Variants in SLC12A1 observed in about 807,000 individuals in gnomAD.
The protein encoded by SLC12A1 is solute carrier family 12 member 1, also known as Na-K-2Cl cotransporter.
A neutral mutation model predicts 130.4 loss-of-function variants in SLC12A1; 89 were observed. The observed-to-expected ratio is 0.68, with a 90% CI of 0.58 to 0.81. SLC12A1 has a LOEUF of 0.81. Ranked by LOEUF, SLC12A1 falls within the 40% of genes least tolerant of loss-of-function variation. SLC12A1 has a pLI of 0.00. For synonymous variants in SLC12A1, 499 were observed against 460.0 expected (o/e 1.08, Z -1.09); for missense variants, 1,310 against 1,336.4 (o/e 0.98, Z 0.31).
intron 19 of SLC12A1, among the ~76,000 whole-genome samples, chr15:48,270,461 T>C (rs1217787868): frequency 2.0e-5 from 3 of 151,546 alleles, no homozygotes; most frequent in Admixed American, 6.6e-5. Flanking sequence ...ACATTAAAAA[T>C]TAAGTAGCAT....
chr15:48,259,066 C>T (rs545250692), intron 16 of SLC12A1, 134 bp from the exon 17 acceptor site: 51 of 612,974 alleles, frequency 8.3e-5, no homozygotes, highest in Admixed American at 8.0e-4. Flanking sequence ...AATACTGGTG[C>T]GAAACCCAAA....
At chr15:48,232,291 A>C (rs966894023) in intron 7 of SLC12A1, among the ~76,000 whole-genome samples, 2 of 152,222 alleles carry the variant, frequency 1.3e-5, no homozygotes, top group African/African-American at 4.8e-5. Flanking sequence ...TGGGAATCAC[A>C]GGAATTGTAT....
At position 48,220,785 on chromosome 15, in the gene SLC12A1, T is replaced by C. The variant is rs2041202595; in HGVS notation, c.552+20T>C. The C allele has an allele frequency of 6.2e-7, 1 of 1,613,810 alleles. No homozygotes were observed. The highest frequency in any genetic ancestry group is 1.3e-5 in the African/African-American group (1 of 74,928). Reference sequence around the variant, plus strand: ...GTGCTGGTGAGAAAGCTCTTCTGTTTACAAATGAAAACTATCCATTCAATG... The same window carrying C: ...GTGCTGGTGAGAAAGCTCTTCTGTTCACAAATGAAAACTATCCATTCAATG... On this transcript the variant is annotated intron_variant, in intron 3 of 26. Coordinates refer to ENST00000380993, the MANE Select transcript of SLC12A1 (RefSeq NM_000338.3).
chr15:48,216,604 A>G (rs1156272922), intron 2 of SLC12A1, among the ~76,000 whole-genome samples: 2 of 152,250 alleles, frequency 1.3e-5, no homozygotes, highest in East Asian at 3.8e-4. Flanking sequence ...GCCCTCTCCC[A>G]AAGTGAGTAA....
chr15:48,269,301 G>A (rs2041866980), intron 18 of SLC12A1, among the ~76,000 whole-genome samples: 3 of 152,116 alleles, frequency 2.0e-5, no homozygotes, highest in Admixed American at 6.6e-5. Context: ...TATAACAGGT[G>A]GAATTGAGCT....
chr15:48,303,995 C>T lies in SLC12A1; in HGVS notation c.*1110C>T, dbSNP rs2042260929. 6.6e-6 allele frequency: 1 copy of T among 152,066 alleles called. No homozygotes were observed. Among genetic ancestry groups the T allele is most frequent in the Non-Finnish European group, 1.5e-5 (1 of 68,030 alleles). The allele number at this position is 152,066 out of a possible 1,614,324, so 9.4% of individuals were successfully genotyped here. A position where few individuals can be genotyped will look rare whatever the true frequency, so the allele number is the denominator to read the frequency against. ...TTTTCTGATGAATGGCTTGATTTTT[C>T]TCCTTGACATGTTTTGACTGTTCAT... is the stretch of plus-strand genomic sequence containing the variant. On this transcript the variant is annotated 3_prime_UTR_variant, in exon 27 of 27. Coordinates refer to ENST00000380993, the MANE Select transcript of SLC12A1 (RefSeq NM_000338.3).
At chr15:48,218,561 A>AAAC (rs1479662529) in intron 2 of SLC12A1, among the ~76,000 whole-genome samples, 1 of 152,178 alleles carries the variant, frequency 6.6e-6, no homozygotes, top group African/African-American at 2.4e-5. Flanking sequence ...TCCTAAAATG[A>AAAC]AACTTTGATA....
chr15:48,290,947 T>C (rs1375968458), intron 23 of SLC12A1, among the ~76,000 whole-genome samples: 5 of 152,112 alleles, frequency 3.3e-5, no homozygotes, highest in Non-Finnish European at 7.4e-5. Context: ...ATTTTCCAAT[T>C]TCAAAAATTG....
At chr15:48,275,167 A>C (rs1166946227) in intron 20 of SLC12A1, among the ~76,000 whole-genome samples, 1 of 152,220 alleles carries the variant, frequency 6.6e-6, no homozygotes, top group Non-Finnish European at 1.5e-5. Context: ...AGAATTTGGT[A>C]TATTTGCTTA....
At chr15:48,249,870 C>A (rs2041627454) in intron 14 of SLC12A1, among the ~76,000 whole-genome samples, 194 bp downstream of exon 14, 6 of 152,136 alleles carry the variant, frequency 3.9e-5, no homozygotes, top group Admixed American at 3.9e-4. Context: ...TGAGCAATGG[C>A]CTTTTTGACC....
chr15:48,221,889 A>C (rs552387140), intron 4 of SLC12A1, among the ~76,000 whole-genome samples: 1 of 152,308 alleles, frequency 6.6e-6, no homozygotes, highest in South Asian at 2.1e-4. Flanking sequence ...CTCAATTCAC[A>C]TTTTAAAAGG....
chr15:48,273,352 T>C (rs1337672494), intron 19 of SLC12A1, among the ~76,000 whole-genome samples: 2 of 152,170 alleles, frequency 1.3e-5, no homozygotes, highest in Non-Finnish European at 2.9e-5. Flanking sequence ...TGCCTCCTAA[T>C]TTCACTTTTA....
intron 16 of SLC12A1, among the ~76,000 whole-genome samples, chr15:48,256,820 T>G: frequency 4.4e-5 from 4 of 90,066 alleles, no homozygotes; most frequent in South Asian, 5.1e-4. Flanking sequence ...ATTCCATCCC[T>G]GGCCCCCCCC....
At chr15:48,234,012 C>A (rs1354635131) in intron 8 of SLC12A1, among the ~76,000 whole-genome samples, 1 of 152,008 alleles carries the variant, frequency 6.6e-6, no homozygotes, top group Admixed American at 6.6e-5. Context: ...TTCTCCCATA[C>A]TGAGGATTTG....
intron 2 of SLC12A1, among the ~76,000 whole-genome samples, chr15:48,220,133 A>AGATAGATAGATAGAT (rs2041186879): frequency 3.6e-5 from 4 of 109,712 alleles, no homozygotes; most frequent in Admixed American, 2.6e-4. Flanking sequence ...AAAAAAAGGT[A>AGATAGATAGATAGAT]GATAGATAGA....
intron 18 of SLC12A1, among the ~76,000 whole-genome samples, chr15:48,268,170 T>C (rs2041854200): frequency 6.6e-6 from 1 of 152,214 alleles, no homozygotes; most frequent in Non-Finnish European, 1.5e-5. Context: ...CCTATCCTCC[T>C]GAATTATTTC....
In SLC12A1 at chr15:48,251,757, T is replaced by C; in HGVS notation, c.1929T>C (p.Thr643=). 6.2e-6 allele frequency: 10 copies of C among 1,613,878 alleles called. No homozygotes were observed. Among genetic ancestry groups the C allele is most frequent in the Non-Finnish European group, 8.5e-6 (10 of 1,179,832 alleles). The part of the protein sequence containing the change: ...VIEFFLYVYV[T]CKKPDVNWGS... ...AATTCTTCCTTTACGTCTATGTGAC[T>C]TGTAAGAAGCCAGGTAAGATAATGA... The change falls in exon 15 of 27, where the codon ACT becomes ACC. Residue 643 remains threonine, a synonymous_variant. Transcript: ENST00000380993.
intron 24 of SLC12A1, among the ~76,000 whole-genome samples, chr15:48,295,781 G>A (rs1328916865): frequency 7.9e-5 from 12 of 152,186 alleles, no homozygotes; most frequent in Non-Finnish European, 1.8e-4. Flanking sequence ...CACCAGGAGT[G>A]TGCTGGAAGA....
intron 5 of SLC12A1, chr15:48,226,799 A>G (rs1431551075): frequency 8.4e-6 from 5 of 596,722 alleles, no homozygotes; most frequent in African/African-American, 7.5e-5. Context: ...TATGCCTTAC[A>G]GATGTGCACC....
Sources: gnomAD v4.1 joint callset for allele counts (sites outside exome capture counted in the v4.1 genomes callset) on GRCh38, gnomAD v4.1.1 for gene constraint, MANE v1.5 for transcripts, NCBI Gene and HGNC (gene_info 2026-07-23, HGNC 2026-07-21) for gene names.